ABL1: variants seen among roughly 807,000 people sequenced by gnomAD.
ABL1 encodes tyrosine-protein kinase ABL1.
Under a neutral mutation model 94.7 loss-of-function variants are expected in ABL1, and 11 were observed. The observed-to-expected ratio is 0.12, with a 90% CI of 0.07 to 0.19. ABL1 has a LOEUF of 0.19. Ranked by LOEUF, ABL1 falls within the 10% of genes least tolerant of loss-of-function variation. The probability of loss-of-function intolerance (pLI) is 1.00; values close to 1 mark genes in which losing one functional copy is unlikely to be tolerated. For missense variants in ABL1, 1,082 were observed against 1,489.4 expected, an observed-to-expected ratio of 0.73 and a Z score of 4.50; for synonymous variants, 656 against 622.4, an observed-to-expected ratio of 1.05 and a Z score of -0.80.
At position 130,884,447 on chromosome 9, in the gene ABL1, C is replaced by T; in HGVS notation, c.2157C>T (p.Ala719=). The T allele has an allele frequency of 6.2e-7, 1 of 1,612,788 alleles. No individual in the cohort carries two copies. The highest frequency in any genetic ancestry group is 8.5e-7 in the Non-Finnish European group (1 of 1,179,974). ...AGCGCTTCCTGCGCTCTTGCTCCGC[C>T]TCCTGCGTTCCCCATGGGGCCAAGG... ...SSKRFLRSCS[A]SCVPHGAKDT... The change falls in exon 11 of 11, where the codon GCC becomes GCT. Residue 719 remains alanine (A), a synonymous_variant. Transcript: ENST00000318560. This position sits in a 1 kb window ranked among gnomAD's most constrained non-coding sequence, Gnocchi z 5.6.
At chr9:130,816,799 G>A (rs1336724130) in intron 1 of ABL1, among the ~76,000 whole-genome samples, 1 of 151,900 alleles carries the variant, frequency 6.6e-6, no homozygotes, top group Non-Finnish European at 1.5e-5. Context: ...CGCCTCCCGG[G>A]TTCAAGCGAT....
chr9:130,715,896 G>A (rs185261836), intron 1 of ABL1, among the ~76,000 whole-genome samples: 4 of 152,086 alleles, frequency 2.6e-5, no homozygotes, highest in East Asian at 1.9e-4. Context: ...CTGTGTTGAC[G>A]TTTGCAGTAA....
At chr9:130,752,431 T>G (rs1831977817) in intron 1 of ABL1, among the ~76,000 whole-genome samples, 1 of 152,174 alleles carries the variant, frequency 6.6e-6, no homozygotes, top group African/African-American at 2.4e-5. Flanking sequence ...CTCAAGGTCT[T>G]CTCTGAAGTA....
chr9:130,809,812 C>T (rs1297590588), intron 1 of ABL1, among the ~76,000 whole-genome samples: 1 of 152,150 alleles, frequency 6.6e-6, no homozygotes, highest in African/African-American at 2.4e-5. Context: ...GATCTGAGCA[C>T]GTATGGCCCA....
At chr9:130,829,824 T>A (rs549499544) in intron 1 of ABL1, among the ~76,000 whole-genome samples, 1 of 152,370 alleles carries the variant, frequency 6.6e-6, no homozygotes, top group South Asian at 2.1e-4. Flanking sequence ...TAACTATTGA[T>A]TTATCCCCCA....
At chr9:130,773,635 T>A (rs1832279140) in intron 1 of ABL1, among the ~76,000 whole-genome samples, 1 of 150,456 alleles carries the variant, frequency 6.6e-6, no homozygotes, top group African/African-American at 2.5e-5. Context: ...ACTCTTTTTT[T>A]TTTTTTTTTT....
exon 1 of ABL1, among the ~76,000 whole-genome samples, chr9:130,713,391 G>T (rs932782688): frequency 1.3e-5 from 2 of 152,196 alleles, no homozygotes; most frequent in African/African-American, 4.8e-5. Context: ...CGGGTGGTCT[G>T]TTTCCCCCAG....
intron 7 of ABL1, 113 bp from the exon 8 acceptor site, chr9:130,878,302 C>A: frequency 1.6e-6 from 2 of 1,261,136 alleles, no homozygotes; most frequent in East Asian, 2.3e-5. Flanking sequence ...AGAGCCTGGG[C>A]TGCTGCTGGG....
At chr9:130,764,752 TCGA>T (rs1341635232) in intron 1 of ABL1, among the ~76,000 whole-genome samples, 1 of 152,014 alleles carries the variant, frequency 6.6e-6, no homozygotes, top group East Asian at 1.9e-4. Flanking sequence ...GGTCAGGAGT[TCGA>T]GATCAGCCTG....
rs927462122 is a variant in ABL1, at chr9:130,886,073, G to A, written c.*390G>A. On this transcript the variant is annotated 3_prime_UTR_variant, in exon 11 of 11. Coordinates refer to ENST00000318560, the MANE Select transcript of ABL1 (RefSeq NM_005157.6). The stretch of plus-strand genomic sequence containing the variant: ...TTCTCTCTGGAGCCCCTCCTCCCCC[G>A]GCTGGGCCTCCTTCTTCCACTTCTC... 4 of 260,974 alleles carry A rather than the reference G, an allele frequency of 1.5e-5. No homozygotes were observed. Among genetic ancestry groups the A allele is most frequent in the African/African-American group, 6.5e-5 (3 of 45,988 alleles). The allele number at this position is 260,974 out of a possible 1,614,324, so 16.2% of individuals were successfully genotyped here. A position where few individuals can be genotyped will look rare whatever the true frequency, so the allele number is the denominator to read the frequency against.
intron 1 of ABL1, among the ~76,000 whole-genome samples, chr9:130,747,380 A>C (rs1393300176): frequency 6.6e-6 from 1 of 150,806 alleles, no homozygotes; most frequent in Admixed American, 6.6e-5. Context: ...TGTCTCAAAA[A>C]ACCAAAACAA....
At chr9:130,745,080 CTT>C (rs767607633) in intron 1 of ABL1, among the ~76,000 whole-genome samples, 42 of 131,300 alleles carry the variant, frequency 3.2e-4, no homozygotes, top group Admixed American at 3.8e-4. Context: ...TCCTGGGAAC[CTT>C]TTTTTTTTTT....
At chr9:130,822,090 G>A (rs540618593) in intron 1 of ABL1, among the ~76,000 whole-genome samples, 5 of 151,846 alleles carry the variant, frequency 3.3e-5, no homozygotes, top group South Asian at 2.1e-4. Context: ...TGCCTGCCTC[G>A]GCCTCCCAAA....
chr9:130,721,380 AAAAAC>A (rs1447519668), intron 1 of ABL1, among the ~76,000 whole-genome samples: 1 of 152,026 alleles, frequency 6.6e-6, no homozygotes, highest in African/African-American at 2.4e-5. Flanking sequence ...TCTGTCTCAA[AAAAAC>A]AAAACAAACA....
At chr9:130,869,909 CCTG>C (rs1395903214) in intron 4 of ABL1, among the ~76,000 whole-genome samples, 4 of 152,210 alleles carry the variant, frequency 2.6e-5, no homozygotes, top group Admixed American at 1.3e-4. Flanking sequence ...ACTGCAACCT[CCTG>C]CTCCCGAATT....
At chr9:130,764,559 C>T (rs1325662050) in intron 1 of ABL1, among the ~76,000 whole-genome samples, 5 of 152,156 alleles carry the variant, frequency 3.3e-5, no homozygotes, top group Admixed American at 6.5e-5. Context: ...ATTTCTTTTT[C>T]GTGGTGGCAC....
At chr9:130,842,172 G>T (rs1830685156) in intron 1 of ABL1, among the ~76,000 whole-genome samples, 1 of 152,292 alleles carries the variant, frequency 6.6e-6, no homozygotes, top group Admixed American at 6.5e-5. Flanking sequence ...ACAGATGATG[G>T]ACAGGCAGCT....
At chr9:130,721,467 G>T (rs1316577705) in intron 1 of ABL1, among the ~76,000 whole-genome samples, 1 of 151,548 alleles carries the variant, frequency 6.6e-6, no homozygotes, top group Non-Finnish European at 1.5e-5. Context: ...CCAGCACTTT[G>T]GGAGGCCAAG....
intron 4 of ABL1, among the ~76,000 whole-genome samples, chr9:130,865,966 C>T (rs945818739): frequency 6.6e-6 from 1 of 152,080 alleles, no homozygotes; most frequent in Non-Finnish European, 1.5e-5. Context: ...AAATCCAAAA[C>T]TTTTTGAGCA....
Sources: allele counts gnomAD v4.1 joint callset (sites outside exome capture counted in the v4.1 genomes callset), GRCh38; gene constraint gnomAD v4.1.1; non-coding constraint Gnocchi (gnomAD v3.1); transcripts MANE v1.5; gene names NCBI Gene and HGNC (gene_info 2026-07-23, HGNC 2026-07-21).